Variants in ASPH observed in about 807,000 individuals in gnomAD.
The protein encoded by ASPH is aspartyl/asparaginyl beta-hydroxylase.
In ASPH, 100 loss-of-function variants were observed where a neutral mutation model predicts 118.4. The observed-to-expected ratio is 0.84, with a 90% CI of 0.72 to 1.00. The LOEUF is 1.00. Ranked by LOEUF, ASPH falls within the 50% of genes least tolerant of loss-of-function variation. The probability of loss-of-function intolerance (pLI) is 0.00; values close to 1 mark genes in which losing one functional copy is unlikely to be tolerated. For synonymous variants in ASPH, 315 were observed against 325.6 expected (o/e 0.97, Z 0.35); for missense variants, 920 against 919.5 (o/e 1.00, Z -0.01).
chr8:61,636,417 C>A (rs1443263724), intron 12 of ASPH, among the ~76,000 whole-genome samples: 1 of 152,116 alleles, frequency 6.6e-6, no homozygotes, highest in Non-Finnish European at 1.5e-5. Context: ...TGTTTCTGGT[C>A]TGGGAATCCA....
chr8:61,562,828 G>C lies in ASPH; in HGVS notation c.1353C>G (p.Pro451=), dbSNP rs1408559192. 3.1e-6 allele frequency: 5 copies of C among 1,612,524 alleles called. No homozygotes were observed. Among genetic ancestry groups the C allele is most frequent in the Non-Finnish European group, 4.2e-6 (5 of 1,179,404 alleles). The stretch of plus-strand genomic sequence containing the variant: ...GGTCATTTTTTAAGGAAGTATCATT[G>C]GGAAATAGTTGAACTAATCTCTGCA... The part of the protein sequence containing the change: ...LTLQRLVQLF[P]NDTSLKNDLG... The change falls in exon 18 of 25, where the codon CCC becomes CCG. Residue 451 remains proline (P), a synonymous_variant. Transcript: ENST00000379454.
chr8:61,570,690 T>C (rs980218557), intron 16 of ASPH, among the ~76,000 whole-genome samples: 1 of 152,198 alleles, frequency 6.6e-6, no homozygotes, highest in East Asian at 1.9e-4. Context: ...AGTCTGCAGA[T>C]TGATTTTTAT....
intron 6 of ASPH, among the ~76,000 whole-genome samples, 163 bp downstream of exon 6, chr8:61,646,586 AT>A: frequency 6.6e-6 from 1 of 152,226 alleles, no homozygotes; most frequent in South Asian, 2.1e-4. Flanking sequence ...AAATCAAGGT[AT>A]CTATTTTAAG....
chr8:61,616,898 C>T (rs1849229484), intron 14 of ASPH, among the ~76,000 whole-genome samples: 1 of 152,222 alleles, frequency 6.6e-6, no homozygotes, highest in South Asian at 2.1e-4. Context: ...CCTGGTCTGT[C>T]TTGCTCTCAC....
chr8:61,673,098 C>G (rs1823428521), intron 3 of ASPH, among the ~76,000 whole-genome samples: 1 of 152,060 alleles, frequency 6.6e-6, no homozygotes, highest in Non-Finnish European at 1.5e-5. Context: ...GAAAATAGTC[C>G]CTCTTTCATG....
chr8:61,564,323 G>A (rs1236539008), intron 17 of ASPH, among the ~76,000 whole-genome samples: 1 of 148,176 alleles, frequency 6.7e-6, no homozygotes, highest in Non-Finnish European at 1.5e-5. Context: ...TTTTGAGATG[G>A]AGTCTTGCTC....
chr8:61,705,535 G>C (rs1440998187), intron 1 of ASPH, among the ~76,000 whole-genome samples: 1 of 152,142 alleles, frequency 6.6e-6, no homozygotes, highest in African/African-American at 2.4e-5. Context: ...ACAAAAAAAA[G>C]TACTTGCAAA....
chr8:61,522,721 G>A (rs1813588939), intron 22 of ASPH, among the ~76,000 whole-genome samples: 1 of 152,090 alleles, frequency 6.6e-6, no homozygotes, highest in Non-Finnish European at 1.5e-5. Context: ...GTTTCCTGAG[G>A]CCTCCCCAGT....
At chr8:61,679,772 C>A (rs1827052542) in intron 3 of ASPH, among the ~76,000 whole-genome samples, 1 of 151,478 alleles carries the variant, frequency 6.6e-6, no homozygotes, top group East Asian at 1.9e-4. Context: ...AATTTTGTTT[C>A]TTTTACATGC....
intron 3 of ASPH, chr8:61,663,035 A>T: frequency 1.0e-6 from 1 of 985,444 alleles, no homozygotes; most frequent in African/African-American, 1.7e-5. Context: ...GAGAACAAAA[A>T]ATCTTTAGTG....
chr8:61,686,691 A>T (rs1563598175), intron 1 of ASPH, among the ~76,000 whole-genome samples: 1 of 152,156 alleles, frequency 6.6e-6, no homozygotes, highest in Admixed American at 6.5e-5. Flanking sequence ...ATATGGAATT[A>T]TAGTAGCTAA....
chr8:61,517,931 C>T (rs1811495080), intron 23 of ASPH, 101 bp downstream of exon 23: 1 of 1,244,086 alleles, frequency 8.0e-7, no homozygotes, highest in African/African-American at 1.5e-5. Context: ...TAAAAAGAGG[C>T]ATTCATTGGG....
At chr8:61,526,782 A>T (rs1815516754) in intron 21 of ASPH, among the ~76,000 whole-genome samples, 1 of 152,130 alleles carries the variant, frequency 6.6e-6, no homozygotes, top group African/African-American at 2.4e-5. Context: ...GTGACGGTAG[A>T]TCCTGTGGAA....
chr8:61,708,364 G>C (rs895676130), intron 1 of ASPH, among the ~76,000 whole-genome samples: 1 of 152,158 alleles, frequency 6.6e-6, no homozygotes, highest in East Asian at 1.9e-4. Context: ...TTAAATGCTA[G>C]ATATTCTTTC....
intron 12 of ASPH, among the ~76,000 whole-genome samples, chr8:61,635,864 G>A (rs993865316): frequency 3.9e-5 from 6 of 151,976 alleles, no homozygotes; most frequent in African/African-American, 7.3e-5. Flanking sequence ...AGGGTGTTTC[G>A]CTCTGCTTCC....
chr8:61,593,829 G>C (rs773385563), intron 14 of ASPH, among the ~76,000 whole-genome samples: 1 of 152,168 alleles, frequency 6.6e-6, no homozygotes, highest in Non-Finnish European at 1.5e-5. Flanking sequence ...AGCAGTGCCA[G>C]ACACTGAATT....
intron 14 of ASPH, among the ~76,000 whole-genome samples, chr8:61,588,565 A>T (rs1840154426): frequency 6.6e-6 from 1 of 152,218 alleles, no homozygotes; most frequent in Admixed American, 6.5e-5. Flanking sequence ...TACAAGGTAT[A>T]TTTTGAAAAG....
At position 61,684,198 on chromosome 8, in the gene ASPH, A is replaced by G. The variant is rs1450823397; in HGVS notation, c.104-10T>C. Reference sequence around the variant, plus strand: ...CCTCCATGCTTTGTCTCTGTTTAGAAATAAATGTAAGATATCATAAGAAGA... The same window carrying G: ...CCTCCATGCTTTGTCTCTGTTTAGAGATAAATGTAAGATATCATAAGAAGA... On this transcript the variant is annotated splice_polypyrimidine_tract_variant and intron_variant, in intron 1 of 24. Coordinates refer to ENST00000379454, the MANE Select transcript of ASPH (RefSeq NM_004318.4). The G allele has an allele frequency of 6.2e-7, 1 of 1,603,792 alleles. No homozygotes were observed. The highest frequency in any genetic ancestry group is 2.2e-5 in the East Asian group (1 of 44,792).
At chr8:61,646,975 T>G in intron 5 of ASPH, 97 bp from the exon 6 acceptor site, 1 of 1,502,086 alleles carries the variant, frequency 6.7e-7, no homozygotes, top group Non-Finnish European at 9.1e-7. Context: ...TGCTGGGGCT[T>G]CCCCTGCCCC....
Sources: allele counts gnomAD v4.1 joint callset (sites outside exome capture counted in the v4.1 genomes callset), GRCh38; gene constraint gnomAD v4.1.1; transcripts MANE v1.5; gene names NCBI Gene and HGNC (gene_info 2026-07-23, HGNC 2026-07-21).